TSGA10: variants seen among roughly 807,000 people sequenced by gnomAD.
TSGA10 encodes the protein testis-specific gene 10 protein.
Under a neutral mutation model 96.6 loss-of-function variants are expected in TSGA10, and 43 were observed. That is an observed-to-expected ratio of 0.44 (90% CI 0.35 to 0.57). The LOEUF (loss-of-function observed/expected upper bound fraction) is 0.57. TSGA10 is among the 20% of genes least tolerant of loss of function. The probability of loss-of-function intolerance (pLI) is 0.01; values close to 1 mark genes in which losing one functional copy is unlikely to be tolerated. For synonymous variants in TSGA10, 229 were observed against 269.9 expected (o/e 0.85, Z 1.48); for missense variants, 703 against 834.4 (o/e 0.84, Z 1.94).
At chr2:99,002,858 CA>C (rs1377687134) in intron 20 of TSGA10, among the ~76,000 whole-genome samples, 1 of 151,180 alleles carries the variant, frequency 6.6e-6, no homozygotes, top group Non-Finnish European at 1.5e-5. Flanking sequence ...TCTGATAAAA[CA>C]AACTTTTTTT....
chr2:99,035,300 C>T lies in TSGA10; in HGVS notation c.1544G>A (p.Cys515Tyr). Residue 515 changes from cysteine (C) to tyrosine (Y), a missense_variant, in exon 17 of 21, where the codon TGT becomes TAT. By Grantham distance (194) the Cys-to-Tyr change is radical. Transcript: ENST00000393483. ...LADLSSTREL[C>Y]IKLDSSKELL... ...TTCTTTGCTTGAGTCAAGTTTAATA[C>T]AGAGTTCCCTAGTAGAAGACAAATC... is the stretch of plus-strand genomic sequence containing the variant. The T allele has an allele frequency of 6.2e-7, 1 of 1,612,920 alleles. No individual in the cohort carries two copies. Among genetic ancestry groups the T allele is most frequent in the Non-Finnish European group, 8.5e-7 (1 of 1,179,304 alleles).
At chr2:99,109,931 G>A (rs1193627869) in intron 5 of TSGA10, among the ~76,000 whole-genome samples, 4 of 152,174 alleles carry the variant, frequency 2.6e-5, no homozygotes, top group African/African-American at 7.2e-5. Context: ...TTGGGAGGCC[G>A]AGGCGGGCAG....
chr2:99,135,315 C>T (rs2093279767), intron 1 of TSGA10, among the ~76,000 whole-genome samples: 1 of 152,178 alleles, frequency 6.6e-6, no homozygotes, highest in Admixed American at 6.5e-5. Context: ...AGTCTGGCTA[C>T]AGCAGCTTAG....
chr2:99,102,976 GCTC>G (rs528891101), intron 10 of TSGA10, among the ~76,000 whole-genome samples: 208 of 150,726 alleles, frequency 1.4e-3, no homozygotes, highest in Middle Eastern at 6.9e-3. Context: ...AAAATGTTCT[GCTC>G]CTATTTTAAA....
chr2:99,079,585 T>C (rs962308897), intron 11 of TSGA10, among the ~76,000 whole-genome samples: 1 of 152,176 alleles, frequency 6.6e-6, no homozygotes, highest in African/African-American at 2.4e-5. Context: ...TAATGAGGAT[T>C]GAGAACCACT....
intron 20 of TSGA10, among the ~76,000 whole-genome samples, chr2:99,013,378 G>T (rs1317792616): frequency 1.3e-5 from 2 of 151,938 alleles, no homozygotes; most frequent in Non-Finnish European, 2.9e-5. Flanking sequence ...TGTTGCTCAG[G>T]CTGGAATGCT....
intron 7 of TSGA10, 128 bp downstream of exon 7, chr2:99,108,705 T>C (rs2091559184): frequency 1.6e-6 from 1 of 624,936 alleles, no homozygotes; most frequent in Non-Finnish European, 2.5e-6. Context: ...CTTAAAAACA[T>C]ATGTAATCCC....
At chr2:99,141,642 G>A (rs1354581010) in intron 1 of TSGA10, 1 of 152,786 alleles carries the variant, frequency 6.5e-6, no homozygotes, top group African/African-American at 2.4e-5. Context: ...CCTTTTCCAC[G>A]ACTCATTTCT....
rs1452643041 is a variant in TSGA10, at chr2:99,020,279, C to T, written c.1817+1G>A. On this transcript the variant is annotated splice_donor_variant, in intron 18 of 20. Transcript: ENST00000393483. LOFTEE classifies it high-confidence loss of function. ...TTACTTTATATTGCTAAACAACTCA[C>T]ATTTTATTTTCTGCCAAACAAAGGT... 5.0e-6 allele frequency: 8 copies of T among 1,612,044 alleles called. No homozygotes were observed. Among genetic ancestry groups the T allele is most frequent in the Non-Finnish European group, 6.8e-6 (8 of 1,178,428 alleles).
intron 1 of TSGA10, chr2:99,151,061 G>T: frequency 2.5e-6 from 1 of 393,588 alleles, no homozygotes; most frequent in South Asian, 6.7e-5. Flanking sequence ...AGATTTCTCT[G>T]GTATTATATT....
intron 16 of TSGA10, among the ~76,000 whole-genome samples, chr2:99,061,497 G>A (rs2084682102): frequency 1.3e-5 from 2 of 151,890 alleles, no homozygotes; most frequent in Admixed American, 1.3e-4. Context: ...GACTCTTTTA[G>A]TTATTTTTAA....
chr2:99,013,990 T>C (rs2079256217), intron 20 of TSGA10, among the ~76,000 whole-genome samples: 1 of 151,964 alleles, frequency 6.6e-6, no homozygotes, highest in South Asian at 2.1e-4. Flanking sequence ...CTGACTCTAC[T>C]AAAAACACAA....
chr2:99,017,043 T>C (rs1558732844), intron 20 of TSGA10, among the ~76,000 whole-genome samples: 1 of 152,206 alleles, frequency 6.6e-6, no homozygotes, highest in Non-Finnish European at 1.5e-5. Flanking sequence ...TGTTTTCATT[T>C]ACACTGCTGG....
At chr2:99,119,500 T>C (rs1229948348) in intron 2 of TSGA10, among the ~76,000 whole-genome samples, 1 of 152,202 alleles carries the variant, frequency 6.6e-6, no homozygotes, top group African/African-American at 2.4e-5. Flanking sequence ...ATTAAATTCA[T>C]TTAAAAACTT....
intron 12 of TSGA10, among the ~76,000 whole-genome samples, chr2:99,073,500 T>C (rs1474797985): frequency 6.6e-6 from 1 of 152,188 alleles, no homozygotes; most frequent in East Asian, 1.9e-4. Context: ...GCCAATCATG[T>C]ATACCTAAAT....
At chr2:99,127,276 T>C in intron 1 of TSGA10, 100 bp from the exon 2 acceptor site, 1 of 984,938 alleles carries the variant, frequency 1.0e-6, no homozygotes, top group Non-Finnish European at 1.3e-6. Context: ...TATTCTTAGA[T>C]TTTTTTTAAC....
intron 4 of TSGA10, among the ~76,000 whole-genome samples, chr2:99,111,807 C>T (rs2091845747): frequency 6.6e-6 from 1 of 152,010 alleles, no homozygotes. Context: ...ACTAAGTAGA[C>T]ACTAAAAAGA....
chr2:99,141,204 C>A, intron 1 of TSGA10: 1 of 1,155,522 alleles, frequency 8.7e-7, no homozygotes, highest in Non-Finnish European at 1.1e-6. Flanking sequence ...CCATCCTCCG[C>A]CCCTTTCTCC....
chr2:99,105,740 C>T, intron 7 of TSGA10, 43 bp from the exon 8 acceptor site: 1 of 1,519,410 alleles, frequency 6.6e-7, no homozygotes, highest in Non-Finnish European at 8.9e-7. Context: ...AGCTTTAGAA[C>T]ACATAAACAT....
Sources: gnomAD v4.1 joint callset for allele counts (sites outside exome capture counted in the v4.1 genomes callset) on GRCh38, gnomAD v4.1.1 for gene constraint, MANE v1.5 for transcripts, NCBI Gene and HGNC (gene_info 2026-07-23, HGNC 2026-07-21) for gene names.